INPP4B: variants seen among roughly 807,000 people sequenced by gnomAD.
INPP4B encodes the protein inositol polyphosphate-4-phosphatase type II B.
INPP4B carries 55 observed loss-of-function variants against 122.5 expected under a neutral mutation model. That is an observed-to-expected ratio of 0.45 (90% CI 0.36 to 0.56). The LOEUF is 0.56. INPP4B is among the 20% of genes least tolerant of loss of function. The pLI, the probability that INPP4B is intolerant of heterozygous loss-of-function variation, is 0.00. For synonymous variants in INPP4B, 403 were observed against 388.7 expected (o/e 1.04, Z -0.43); for missense variants, 1,000 against 1,097.7 (o/e 0.91, Z 1.26).
intron 2 of INPP4B, among the ~76,000 whole-genome samples, chr4:142,555,639 C>T (rs566253544): frequency 1.6e-3 from 236 of 152,062 alleles, no homozygotes; most frequent in African/African-American, 5.3e-3. Context: ...GAGGCCGAGG[C>T]GGGTGGATCA....
chr4:142,342,162 G>T (rs1371273472), intron 7 of INPP4B, among the ~76,000 whole-genome samples: 1 of 152,098 alleles, frequency 6.6e-6, no homozygotes, highest in Non-Finnish European at 1.5e-5. Context: ...GCATTTAAAT[G>T]CACTACATAC....
chr4:142,293,038 C>CT (rs1214148326), intron 9 of INPP4B, among the ~76,000 whole-genome samples: 1 of 86,278 alleles, frequency 1.2e-5, no homozygotes, highest in Non-Finnish European at 2.7e-5. Flanking sequence ...AATTTTTATA[C>CT]CCTTTTTTTT....
intron 21 of INPP4B, among the ~76,000 whole-genome samples, chr4:142,119,944 C>T (rs771311627): frequency 2.0e-5 from 3 of 151,116 alleles, no homozygotes; most frequent in African/African-American, 4.9e-5. Context: ...ACCCAACTTA[C>T]AAATATTTCC....
At chr4:142,190,582 T>A (rs193156711) in intron 15 of INPP4B, among the ~76,000 whole-genome samples, 1 of 152,204 alleles carries the variant, frequency 6.6e-6, no homozygotes, top group African/African-American at 2.4e-5. Context: ...AAGTTGTTTT[T>A]TATTTCTTTT....
At chr4:142,523,159 GCAA>G (rs1375519805) in intron 2 of INPP4B, among the ~76,000 whole-genome samples, 3 of 152,272 alleles carry the variant, frequency 2.0e-5, no homozygotes, top group Admixed American at 6.5e-5. Context: ...AGCATGAACA[GCAA>G]CAACAATTAC....
chr4:142,338,668 C>T (rs547233626), intron 7 of INPP4B, among the ~76,000 whole-genome samples: 1 of 152,284 alleles, frequency 6.6e-6, no homozygotes, highest in South Asian at 2.1e-4. Context: ...AAAGCCTAAA[C>T]TCCTCATGTG....
At chr4:142,636,358 T>C (rs1277913924) in intron 2 of INPP4B, among the ~76,000 whole-genome samples, 1 of 152,032 alleles carries the variant, frequency 6.6e-6, no homozygotes, top group Non-Finnish European at 1.5e-5. Flanking sequence ...ATAAACAAAA[T>C]AAATAATGTG....
chr4:142,456,175 A>G (rs917737038), intron 3 of INPP4B, among the ~76,000 whole-genome samples: 1 of 146,270 alleles, frequency 6.8e-6, no homozygotes. Flanking sequence ...CAATTTGTCC[A>G]TTTTTGCTTG....
intron 23 of INPP4B, among the ~76,000 whole-genome samples, chr4:142,102,417 G>A (rs1784893369): frequency 6.7e-6 from 1 of 150,286 alleles, no homozygotes; most frequent in South Asian, 2.1e-4. Context: ...AGAGAACCAT[G>A]GTTGATCAGA....
rs1487523635 is a variant in INPP4B, at chr4:142,215,958, A to T, written c.837-6932T>A. ...AGAAGGAATCTGACACTAATGTTGT[A>T]ATTAAATAGTTGCATACCATTACAA... is the stretch of plus-strand genomic sequence containing the variant. On this transcript the variant is annotated intron_variant, in intron 12 of 25. Coordinates refer to ENST00000262992, the MANE Select transcript of INPP4B (RefSeq NM_001101669.3). 2.0e-5 allele frequency among the ~76,000 whole-genome samples: 3 copies of T among 146,502 alleles called. No homozygotes were observed. In the East Asian group the frequency reaches 6.3e-4, roughly 31 times the overall value.
chr4:142,350,034 T>A (rs1159102188), intron 7 of INPP4B, among the ~76,000 whole-genome samples: 2 of 151,992 alleles, frequency 1.3e-5, no homozygotes, highest in African/African-American at 2.4e-5. Context: ...GGACACAGAC[T>A]ATTATCACCA....
chr4:142,586,792 G>A (rs574220390), intron 2 of INPP4B, among the ~76,000 whole-genome samples: 1 of 152,284 alleles, frequency 6.6e-6, no homozygotes, highest in South Asian at 2.1e-4. Flanking sequence ...AGGCAAGGAA[G>A]ACTTCTGAGG....
Position 142,832,266 on chromosome 4 carries a change from G to A in INPP4B, c.-254+13943C>T, listed in dbSNP as rs968331319. ...TCCAAAGCTCTCATGAAAAGCAACA[G>A]ATGTTTCCTTCCAACTATAATGTGT... On this transcript the variant is annotated intron_variant, in intron 1 of 25. Coordinates refer to ENST00000262992, the MANE Select transcript of INPP4B (RefSeq NM_001101669.3). 2.0e-5 allele frequency among the ~76,000 whole-genome samples: 3 copies of A among 152,214 alleles called. No homozygotes were observed. In the East Asian group the frequency reaches 5.8e-4, roughly 29 times the overall value.
intron 7 of INPP4B, among the ~76,000 whole-genome samples, chr4:142,361,764 G>C (rs978107953): frequency 1.3e-5 from 2 of 151,790 alleles, no homozygotes; most frequent in Non-Finnish European, 2.9e-5. Context: ...CTTATTTATA[G>C]GTGGATATTG....
At chr4:142,771,563 C>T (rs1243028617) in intron 1 of INPP4B, among the ~76,000 whole-genome samples, 1 of 152,070 alleles carries the variant, frequency 6.6e-6, no homozygotes, top group Non-Finnish European at 1.5e-5. Flanking sequence ...ATGTAAGACT[C>T]AGATATATTT....
chr4:142,783,984 C>A (rs1436462194), intron 1 of INPP4B, among the ~76,000 whole-genome samples: 7 of 152,150 alleles, frequency 4.6e-5, no homozygotes, highest in African/African-American at 1.7e-4. Flanking sequence ...ATGCCAGAGA[C>A]TTTTGGTTTC....
At chr4:142,817,319 G>A (rs1450213766) in intron 1 of INPP4B, among the ~76,000 whole-genome samples, 3 of 152,072 alleles carry the variant, frequency 2.0e-5, no homozygotes, top group Non-Finnish European at 4.4e-5. Context: ...TAATACTAAA[G>A]ATGTGTGAAA....
chr4:142,445,013 A>G (rs1812603347), intron 3 of INPP4B, among the ~76,000 whole-genome samples: 1 of 152,046 alleles, frequency 6.6e-6, no homozygotes, highest in Admixed American at 6.6e-5. Flanking sequence ...AGGGCCTGTC[A>G]GGGTGTGGAG....
chr4:142,383,164 CA>C (rs1188927840), intron 7 of INPP4B, among the ~76,000 whole-genome samples: 2 of 151,998 alleles, frequency 1.3e-5, no homozygotes, highest in Non-Finnish European at 2.9e-5. Flanking sequence ...TAATTTTTTT[CA>C]TAGATTAATC....
Sources: gnomAD v4.1 joint callset for allele counts (sites outside exome capture counted in the v4.1 genomes callset) on GRCh38, gnomAD v4.1.1 for gene constraint, MANE v1.5 for transcripts, NCBI Gene and HGNC (gene_info 2026-07-23, HGNC 2026-07-21) for gene names.